The following PTPRD variants were observed in gnomAD, a reference collection of about 807,000 sequenced individuals.
PTPRD encodes receptor-type tyrosine-protein phosphatase delta.
A neutral mutation model predicts 214.5 loss-of-function variants in PTPRD; 34 were observed. That is an observed-to-expected ratio of 0.16 (90% CI 0.12 to 0.21). The LOEUF (loss-of-function observed/expected upper bound fraction) is 0.21. Ranked by LOEUF, PTPRD falls within the 10% of genes least tolerant of loss-of-function variation. The pLI is 1.00. For missense variants in PTPRD, 2,545 were observed against 2,398.7 expected, an observed-to-expected ratio of 1.06 and a Z score of -1.27; for synonymous variants, 1,128 against 845.7, an observed-to-expected ratio of 1.33 and a Z score of -5.79.
At chr9:8,459,832 A>G (rs1412908510) in intron 33 of PTPRD, among the ~76,000 whole-genome samples, 4 of 152,170 alleles carry the variant, frequency 2.6e-5, no homozygotes, top group African/African-American at 7.2e-5. Flanking sequence ...CGAATTCACC[A>G]GTGCAGATGT....
At chr9:9,055,518 C>T (rs1314772154) in intron 10 of PTPRD, among the ~76,000 whole-genome samples, 1 of 152,174 alleles carries the variant, frequency 6.6e-6, no homozygotes, top group Admixed American at 6.5e-5. Flanking sequence ...AGCACTATGG[C>T]CCAGCCAACT....
chr9:10,353,534 A>T (rs2097217249), intron 2 of PTPRD, among the ~76,000 whole-genome samples: 1 of 151,900 alleles, frequency 6.6e-6, no homozygotes, highest in African/African-American at 2.4e-5. Flanking sequence ...TGCATGGGAG[A>T]AGAGAGGATT....
intron 9 of PTPRD, among the ~76,000 whole-genome samples, chr9:9,342,631 A>G (rs1247624644): frequency 1.3e-5 from 2 of 152,038 alleles, no homozygotes; most frequent in African/African-American, 4.8e-5. Context: ...AGTAATCTTG[A>G]TGTAAAATTG....
At chr9:8,660,420 A>C (rs1387111107) in intron 12 of PTPRD, among the ~76,000 whole-genome samples, 2 of 152,180 alleles carry the variant, frequency 1.3e-5, no homozygotes, top group African/African-American at 4.8e-5. Context: ...TGACTGGGTC[A>C]GATGCATTCA....
At chr9:10,179,587 T>A (rs2099269954) in intron 3 of PTPRD, among the ~76,000 whole-genome samples, 1 of 152,074 alleles carries the variant, frequency 6.6e-6, no homozygotes, top group Admixed American at 6.6e-5. Context: ...CATATTAAAA[T>A]TGTTACTTTG....
chr9:9,887,075 T>A (rs1449808654), intron 5 of PTPRD, among the ~76,000 whole-genome samples: 1 of 152,130 alleles, frequency 6.6e-6, no homozygotes, highest in Non-Finnish European at 1.5e-5. Flanking sequence ...CAATACATAA[T>A]GGAATAAGTC....
At chr9:8,445,031 C>G (rs1468653616) in intron 34 of PTPRD, among the ~76,000 whole-genome samples, 2 of 152,122 alleles carry the variant, frequency 1.3e-5, no homozygotes, top group Non-Finnish European at 2.9e-5. Flanking sequence ...AAAACTTGAT[C>G]AGCAGTTAAT....
intron 12 of PTPRD, among the ~76,000 whole-genome samples, chr9:8,715,082 A>G (rs1821429): frequency 0.53 from 80,894 of 151,678 alleles, 22,216 homozygotes; most frequent in African/African-American, 0.67. Flanking sequence ...CACACTTCCA[A>G]GACCTGAACA....
chr9:9,986,129 T>A (rs1009557836), intron 4 of PTPRD, among the ~76,000 whole-genome samples: 13 of 152,276 alleles, frequency 8.5e-5, no homozygotes, highest in Admixed American at 2.0e-4. Context: ...GTTAGCTGGT[T>A]GGGGAGAACA....
chr9:9,804,852 T>A (rs1343970140), intron 5 of PTPRD, among the ~76,000 whole-genome samples: 1 of 151,560 alleles, frequency 6.6e-6, no homozygotes, highest in African/African-American at 2.4e-5. Context: ...ACATTTTACA[T>A]AAGCAATTGA....
In PTPRD at chr9:9,330,553, GTAA is replaced by G. The variant is rs202210646; in HGVS notation, c.-203+66893_-203+66895del. On this transcript the variant is annotated intron_variant, in intron 9 of 45. Coordinates refer to ENST00000381196, the MANE Select transcript of PTPRD (RefSeq NM_002839.4). ...AATAGTCATATAGTAAATACAATAA[GTAA>G]TATTATTAAAAGTCTGTTCAGTACA... Among the ~76,000 whole-genome samples, 46 of 152,056 alleles carry G rather than the reference GTAA, an allele frequency of 3.0e-4. No individual in the cohort carries two copies. In the East Asian group the frequency reaches 7.1e-3, roughly 24 times the overall value.
intron 7 of PTPRD, among the ~76,000 whole-genome samples, chr9:9,604,864 A>G (rs2094038996): frequency 6.6e-6 from 1 of 151,944 alleles, no homozygotes; most frequent in African/African-American, 2.4e-5. Flanking sequence ...AAAGAAAACT[A>G]TTATTAAAGA....
chr9:9,614,867 G>A (rs2094758003), intron 7 of PTPRD, among the ~76,000 whole-genome samples: 1 of 152,156 alleles, frequency 6.6e-6, no homozygotes, highest in Admixed American at 6.6e-5. Flanking sequence ...TATCTGCTGT[G>A]TCACTTACCA....
chr9:9,477,695 C>T (rs1484928429), intron 8 of PTPRD, among the ~76,000 whole-genome samples: 1 of 151,992 alleles, frequency 6.6e-6, no homozygotes, highest in African/African-American at 2.4e-5. Flanking sequence ...TTTCCCAGTA[C>T]CTAATAATAA....
intron 13 of PTPRD, among the ~76,000 whole-genome samples, chr9:8,636,011 T>C (rs2096420374): frequency 6.6e-6 from 1 of 152,200 alleles, no homozygotes; most frequent in Non-Finnish European, 1.5e-5. Flanking sequence ...TCGATAGGTT[T>C]CTCTGCAATA....
intron 2 of PTPRD, among the ~76,000 whole-genome samples, chr9:10,398,683 G>C (rs73644448): frequency 0.023 from 3,494 of 152,070 alleles, 137 homozygotes; most frequent in African/African-American, 0.08. Flanking sequence ...ATGAGGAGCA[G>C]AGAAAGTAAT....
At chr9:10,361,428 G>A (rs1163575577) in intron 2 of PTPRD, among the ~76,000 whole-genome samples, 1 of 152,150 alleles carries the variant, frequency 6.6e-6, no homozygotes, top group Non-Finnish European at 1.5e-5. Flanking sequence ...ATGTAGACAA[G>A]GGTACAGGGG....
rs73641214 is a variant in PTPRD, at chr9:9,107,705, C to A, written c.-143+75599G>T. ...GGAAAGTTTTTCATCCACAAATTCT[C>A]CTGAATTTCTTACAGTGATCAGGCC... On this transcript the variant is annotated intron_variant, in intron 10 of 45. Coordinates refer to ENST00000381196, the MANE Select transcript of PTPRD (RefSeq NM_002839.4). Among the ~76,000 whole-genome samples, 290 of 152,262 alleles carry A rather than the reference C, an allele frequency of 1.9e-3. 2 individuals are homozygous for A. The highest frequency in any genetic ancestry group is 6.5e-3 in the African/African-American group (269 of 41,558).
chr9:9,260,800 C>T lies in PTPRD; in HGVS notation c.-202-77437G>A, dbSNP rs558462095. On this transcript the variant is annotated intron_variant, in intron 9 of 45. Transcript: ENST00000381196. ...CTCACTGACAATCACTTTTTCCCAC[C>T]CTGTTCTCTTTAGGACAAACCGTGC... 2.0e-5 allele frequency among the ~76,000 whole-genome samples: 3 copies of T among 151,926 alleles called. No homozygotes were observed. In the South Asian group the frequency reaches 6.2e-4, roughly 32 times the overall value.
Sources: allele counts gnomAD v4.1 joint callset (sites outside exome capture counted in the v4.1 genomes callset), GRCh38; gene constraint gnomAD v4.1.1; transcripts MANE v1.5; gene names NCBI Gene and HGNC (gene_info 2026-07-23, HGNC 2026-07-21).